RAPGEF6: variants seen among roughly 807,000 people sequenced by gnomAD.
RAPGEF6 encodes the protein PDZ domain containing guanine nucleotide exchange factor (GEF) 2.
A neutral mutation model predicts 171.4 loss-of-function variants in RAPGEF6; 56 were observed. That is an observed-to-expected ratio of 0.33 (90% CI 0.26 to 0.41). RAPGEF6 has a LOEUF of 0.41. RAPGEF6 is among the 10% of genes least tolerant of loss of function. The pLI is 1.00. For synonymous variants in RAPGEF6, 692 were observed against 650.1 expected (o/e 1.06, Z -0.98); for missense variants, 1,674 against 1,921.4 (o/e 0.87, Z 2.41).
At chr5:131,549,355 C>T (rs1760763082) in intron 5 of RAPGEF6, among the ~76,000 whole-genome samples, 1 of 152,068 alleles carries the variant, frequency 6.6e-6, no homozygotes, top group Non-Finnish European at 1.5e-5. Context: ...TAGGCACCCA[C>T]CCAAACACAG....
intron 18 of RAPGEF6, chr5:131,463,825 A>G (rs1754123696): frequency 1.7e-6 from 2 of 1,211,424 alleles, no homozygotes; most frequent in Non-Finnish European, 2.1e-6. Context: ...GATTTGTATC[A>G]TTCAGCTTCC....
In RAPGEF6 at chr5:131,562,061, A is replaced by C; in HGVS notation, c.282-14T>G. The C allele has an allele frequency of 6.6e-7, 1 of 1,526,268 alleles. No homozygotes were observed. Among genetic ancestry groups the C allele is most frequent in the East Asian group, 2.4e-5 (1 of 41,728 alleles). 94.5% of individuals were successfully genotyped at this position (1,526,268 alleles called of 1,614,324 possible). ...TGCTTACCAAAACTATAAAAACAGA[A>C]AAACAATTTCTTTAGCAAAGGTTAT... is the stretch of plus-strand genomic sequence containing the variant. On this transcript the variant is annotated splice_polypyrimidine_tract_variant and intron_variant, in intron 4 of 27. Transcript: ENST00000509018.
chr5:131,521,840 T>TACACAC (rs3992018), intron 6 of RAPGEF6, among the ~76,000 whole-genome samples: 1,165 of 97,080 alleles, frequency 0.012, 8 homozygotes, highest in East Asian at 0.016. Context: ...AATGTTACCC[T>TACACAC]ACACACACAC....
chr5:131,472,311 T>C, intron 17 of RAPGEF6: 1 of 404,744 alleles, frequency 2.5e-6, no homozygotes, highest in East Asian at 5.9e-5. Context: ...GACCTCATGA[T>C]CCGCCCGCCT....
intron 17 of RAPGEF6, among the ~76,000 whole-genome samples, chr5:131,471,535 T>C (rs968342986): frequency 2.0e-5 from 3 of 152,226 alleles, no homozygotes; most frequent in African/African-American, 7.2e-5. Flanking sequence ...ACTATGCTTA[T>C]CTTTGTAGAA....
intron 4 of RAPGEF6, among the ~76,000 whole-genome samples, chr5:131,563,155 C>A (rs1255907570): frequency 6.6e-6 from 1 of 151,112 alleles, no homozygotes. Flanking sequence ...ATAAAGCAAC[C>A]AAAAGTATTA....
intron 3 of RAPGEF6, among the ~76,000 whole-genome samples, chr5:131,598,546 G>A (rs1356086158): frequency 2.6e-5 from 4 of 152,142 alleles, no homozygotes; most frequent in East Asian, 1.9e-4. Context: ...AAAAATCTCA[G>A]AAGCAGTCAG....
At chr5:131,471,759 A>G (rs1754755306) in intron 17 of RAPGEF6, among the ~76,000 whole-genome samples, 1 of 152,168 alleles carries the variant, frequency 6.6e-6, no homozygotes, top group African/African-American at 2.4e-5. Context: ...AAATAACTTG[A>G]CATCCCACAC....
Position 131,489,595 on chromosome 5 carries a change from A to G in RAPGEF6, c.1791T>C (p.Ile597=). The change falls in exon 15 of 28, where the codon ATT becomes ATC. Residue 597 remains isoleucine (I), a synonymous_variant. Transcript: ENST00000509018. ...GTGCAAGATGAGTATTATTCCTCAA[A>G]ATTTCAACGGCTTTCATAAATGTAA... ...ENITFMKAVE[I]LRNNTHLALT... 6.2e-7 allele frequency: 1 copy of G among 1,600,560 alleles called. No individual in the cohort carries two copies. The highest frequency in any genetic ancestry group is 1.1e-5 in the South Asian group (1 of 88,084).
At chr5:131,518,110 T>C (rs1758219218) in intron 7 of RAPGEF6, among the ~76,000 whole-genome samples, 2 of 152,106 alleles carry the variant, frequency 1.3e-5, no homozygotes, top group South Asian at 4.1e-4. Flanking sequence ...GAACTCGGAT[T>C]TACATTCTGT....
intron 15 of RAPGEF6, among the ~76,000 whole-genome samples, chr5:131,483,092 T>C (rs1755599666): frequency 6.6e-6 from 1 of 152,188 alleles, no homozygotes; most frequent in Admixed American, 6.5e-5. Flanking sequence ...CTCATGCCTG[T>C]AATCCTAGCA....
intron 12 of RAPGEF6, 108 bp from the exon 13 acceptor site, chr5:131,495,768 T>C (rs1756601808): frequency 7.0e-7 from 1 of 1,420,520 alleles, no homozygotes; most frequent in Non-Finnish European, 9.3e-7. Flanking sequence ...AACCCTCTTG[T>C]TCCCTCCCTT....
chr5:131,582,025 C>T (rs1762998794), intron 4 of RAPGEF6, among the ~76,000 whole-genome samples: 1 of 152,164 alleles, frequency 6.6e-6, no homozygotes, highest in African/African-American at 2.4e-5. Context: ...CTCCTAACTC[C>T]ACCACCTATC....
At chr5:131,606,048 A>G (rs75953559) in intron 1 of RAPGEF6, among the ~76,000 whole-genome samples, 21,550 of 120,236 alleles carry the variant, frequency 0.18, 2,088 homozygotes, top group Non-Finnish European at 0.28. Flanking sequence ...AAAAAAAAAA[A>G]AAAAAGAAAA....
chr5:131,500,816 A>G (rs1164322958), intron 11 of RAPGEF6, among the ~76,000 whole-genome samples: 4 of 152,156 alleles, frequency 2.6e-5, no homozygotes, highest in Non-Finnish European at 5.9e-5. Flanking sequence ...GAATCTAAGT[A>G]TATATTAGTA....
intron 7 of RAPGEF6, among the ~76,000 whole-genome samples, chr5:131,510,733 T>C (rs1302133925): frequency 1.3e-5 from 2 of 152,210 alleles, no homozygotes; most frequent in Non-Finnish European, 2.9e-5. Context: ...AAATGTAAAA[T>C]GGTCAGGAGA....
intron 5 of RAPGEF6, among the ~76,000 whole-genome samples, chr5:131,551,199 G>C (rs1203837727): frequency 6.6e-6 from 1 of 152,098 alleles, no homozygotes; most frequent in African/African-American, 2.4e-5. Context: ...TATTGTAATA[G>C]ATGGTACAGT....
At chr5:131,480,635 C>T (rs948301555) in intron 15 of RAPGEF6, among the ~76,000 whole-genome samples, 1 of 152,050 alleles carries the variant, frequency 6.6e-6, no homozygotes, top group African/African-American at 2.4e-5. Context: ...TGTATCACCA[C>T]ACCCGGCTAA....
chr5:131,524,332 G>A (rs1758710304), intron 6 of RAPGEF6, among the ~76,000 whole-genome samples: 1 of 152,150 alleles, frequency 6.6e-6, no homozygotes, highest in South Asian at 2.1e-4. Flanking sequence ...AAGGGTAAAT[G>A]AAGCTATTAG....
Sources: gnomAD v4.1 joint callset for allele counts (sites outside exome capture counted in the v4.1 genomes callset) on GRCh38, gnomAD v4.1.1 for gene constraint, MANE v1.5 for transcripts, NCBI Gene and HGNC (gene_info 2026-07-23, HGNC 2026-07-21) for gene names.